The following FMNL2 variants were observed in gnomAD, a reference collection of about 807,000 sequenced individuals.
The protein encoded by FMNL2 is formin-like protein 2.
Under a neutral mutation model 130.2 loss-of-function variants are expected in FMNL2, and 51 were observed. That is an observed-to-expected ratio of 0.39 (90% CI 0.31 to 0.49). The LOEUF is 0.49. Ranked by LOEUF, FMNL2 falls within the 20% of genes least tolerant of loss-of-function variation. The probability of loss-of-function intolerance (pLI) is 0.85; values close to 1 mark genes in which losing one functional copy is unlikely to be tolerated. For missense variants in FMNL2, 977 were observed against 1,316.2 expected (o/e 0.74, Z 3.99); for synonymous variants, 465 against 467.1 (o/e 1.00, Z 0.06).
At chr2:152,443,306 C>T (rs1413411991) in intron 1 of FMNL2, among the ~76,000 whole-genome samples, 1 of 152,072 alleles carries the variant, frequency 6.6e-6, no homozygotes, top group Non-Finnish European at 1.5e-5. Context: ...CACTAGCCTT[C>T]ACTTCAGTGG....
intron 2 of FMNL2, among the ~76,000 whole-genome samples, chr2:152,540,669 T>C (rs1397673719): frequency 1.6e-5 from 2 of 122,252 alleles, no homozygotes; most frequent in Non-Finnish European, 1.6e-5. Context: ...GGAAGGGGAA[T>C]ATCACACTCT....
intron 9 of FMNL2, among the ~76,000 whole-genome samples, chr2:152,605,033 CAT>C (rs1268939534): frequency 6.6e-6 from 1 of 152,022 alleles, no homozygotes; most frequent in Non-Finnish European, 1.5e-5. Context: ...TGACTGATGT[CAT>C]AGTCTAGGGA....
intron 2 of FMNL2, among the ~76,000 whole-genome samples, chr2:152,526,619 A>G (rs1188718928): frequency 6.6e-6 from 1 of 152,128 alleles, no homozygotes; most frequent in African/African-American, 2.4e-5. Flanking sequence ...TTATATTTTT[A>G]TCAAGTTTAC....
chr2:152,426,972 G>A (rs1055996799), intron 1 of FMNL2, among the ~76,000 whole-genome samples: 3 of 152,134 alleles, frequency 2.0e-5, no homozygotes, highest in African/African-American at 2.4e-5. Context: ...TGCCATGCCC[G>A]TTGGTCTCTA....
chr2:152,630,742 C>G (rs952711292), intron 20 of FMNL2, among the ~76,000 whole-genome samples: 6 of 152,196 alleles, frequency 3.9e-5, no homozygotes, highest in African/African-American at 1.4e-4. Flanking sequence ...AGGGCCTAAG[C>G]TAAATGTAAA....
chr2:152,364,098 ACTT>A (rs1244951589), intron 1 of FMNL2, among the ~76,000 whole-genome samples: 2 of 152,166 alleles, frequency 1.3e-5, no homozygotes, highest in African/African-American at 4.8e-5. Context: ...CTATTGGGAC[ACTT>A]CTTCTCTTAG....
At chr2:152,467,778 G>A (rs1354705642) in intron 1 of FMNL2, among the ~76,000 whole-genome samples, 1 of 152,194 alleles carries the variant, frequency 6.6e-6, no homozygotes, top group Non-Finnish European at 1.5e-5. Flanking sequence ...TCTTCCGAGA[G>A]CAGGCCTGGT....
intron 1 of FMNL2, among the ~76,000 whole-genome samples, chr2:152,425,648 A>G (rs1660297620): frequency 6.6e-6 from 1 of 152,220 alleles, no homozygotes; most frequent in Admixed American, 6.5e-5. Context: ...AACCACTTAA[A>G]GTTCTACAGT....
chr2:152,463,179 T>C (rs955200869), intron 1 of FMNL2, among the ~76,000 whole-genome samples: 3 of 152,254 alleles, frequency 2.0e-5, no homozygotes, highest in Non-Finnish European at 4.4e-5. Context: ...ATCATTGCTT[T>C]GTAATGGAGA....
chr2:152,361,425 CTT>C (rs1253849648), intron 1 of FMNL2, among the ~76,000 whole-genome samples: 1 of 152,172 alleles, frequency 6.6e-6, no homozygotes, highest in African/African-American at 2.4e-5. Context: ...TCAATATACT[CTT>C]TCACCTTGCT....
intron 21 of FMNL2, among the ~76,000 whole-genome samples, chr2:152,634,049 G>A (rs1480939575): frequency 1.3e-5 from 2 of 152,184 alleles, no homozygotes; most frequent in Admixed American, 6.5e-5. Flanking sequence ...TGAGTCTACT[G>A]AGGGAAAAAC....
chr2:152,645,426 C>CTGTT (rs1559038098), intron 25 of FMNL2: 1 of 1,277,610 alleles, frequency 7.8e-7, no homozygotes, highest in African/African-American at 1.5e-5. Context: ...TTGTTTTTTT[C>CTGTT]TGTTTAGCCT....
At chr2:152,643,465 T>C (rs565245591) in intron 25 of FMNL2, 1 of 1,536,194 alleles carries the variant, frequency 6.5e-7, no homozygotes, top group East Asian at 2.4e-5. Context: ...AGCGTGGCTC[T>C]CGGTTTTTCT....
At chr2:152,472,982 G>T (rs1041598724) in intron 1 of FMNL2, among the ~76,000 whole-genome samples, 2 of 152,156 alleles carry the variant, frequency 1.3e-5, no homozygotes, top group South Asian at 4.1e-4. Context: ...CTGAAATATA[G>T]GTTCCTTTTA....
chr2:152,382,462 C>T (rs944807261), intron 1 of FMNL2, among the ~76,000 whole-genome samples: 31 of 152,152 alleles, frequency 2.0e-4, no homozygotes, highest in Non-Finnish European at 1.0e-4. Flanking sequence ...TCAGTGCTTC[C>T]TGGTGAGAAA....
In FMNL2 at chr2:152,637,683, T is replaced by G; in HGVS notation, c.2946+9T>G. ...TTGTGAAAGCATATAAGGTATATGT[T>G]AAGGCCCTCCTTGCCCTTATTTCTC... On this transcript the variant is annotated intron_variant, in intron 23 of 25. Transcript: ENST00000288670. 1 of 1,611,400 alleles carries G rather than the reference T, an allele frequency of 6.2e-7. No individual in the cohort carries two copies. The highest frequency in any genetic ancestry group is 1.1e-5 in the South Asian group (1 of 91,030).
chr2:152,575,461 AC>A (rs1696424060), intron 7 of FMNL2, among the ~76,000 whole-genome samples: 1 of 151,090 alleles, frequency 6.6e-6, no homozygotes, highest in East Asian at 1.9e-4. Flanking sequence ...AAAAAAAAAA[AC>A]AGACTCAGAT....
At chr2:152,596,925 G>T (rs1446091359) in intron 9 of FMNL2, among the ~76,000 whole-genome samples, 2 of 152,312 alleles carry the variant, frequency 1.3e-5, no homozygotes, top group Non-Finnish European at 2.9e-5. Flanking sequence ...TCGTATCGAT[G>T]AACTTTTTCC....
At position 152,611,617 on chromosome 2, in the gene FMNL2, T is replaced by C. The variant is rs765939427; in HGVS notation, c.1062+12T>C. 2 of 1,514,648 alleles carry C rather than the reference T, an allele frequency of 1.3e-6. No homozygotes were observed. The highest frequency in any genetic ancestry group is 4.6e-5 in the East Asian group (2 of 43,868). The allele number at this position is 1,514,648 out of a possible 1,614,324, so 93.8% of individuals were successfully genotyped here. A position where few individuals can be genotyped will look rare whatever the true frequency, so the allele number is the denominator to read the frequency against. ...ACGAATACTTGGACGTGAGTATAGC[T>C]GTGACCTTTGGCTCCAATATAAGAA... On this transcript the variant is annotated intron_variant, in intron 11 of 25. Coordinates refer to ENST00000288670, the MANE Select transcript of FMNL2 (RefSeq NM_052905.4).
Sources: gnomAD v4.1 joint callset for allele counts (sites outside exome capture counted in the v4.1 genomes callset) on GRCh38, gnomAD v4.1.1 for gene constraint, MANE v1.5 for transcripts, NCBI Gene and HGNC (gene_info 2026-07-23, HGNC 2026-07-21) for gene names.